Variants in ATRNL1 observed in about 807,000 individuals in gnomAD.
ATRNL1 encodes the protein attractin-like protein 1.
A neutral mutation model predicts 182.7 loss-of-function variants in ATRNL1; 95 were observed. That is an observed-to-expected ratio of 0.52 (90% CI 0.44 to 0.62). ATRNL1 has a LOEUF of 0.62. Among genes scored for constraint, ATRNL1 ranks in the 20% least tolerant of loss-of-function variants. The pLI, the probability that ATRNL1 is intolerant of heterozygous loss-of-function variation, is 0.00. For missense variants in ATRNL1, 1,471 were observed against 1,679.5 expected, an observed-to-expected ratio of 0.88 and a Z score of 2.17; for synonymous variants, 576 against 568.3, an observed-to-expected ratio of 1.01 and a Z score of -0.19.
intron 21 of ATRNL1, among the ~76,000 whole-genome samples, chr10:115,441,583 A>G (rs554849229): frequency 1.3e-5 from 2 of 151,952 alleles, no homozygotes; most frequent in Non-Finnish European, 2.9e-5. Flanking sequence ...CTAAATTTTG[A>G]TGTTCCAAAA....
At chr10:115,171,452 A>AT (rs1847290679) in intron 8 of ATRNL1, 160 bp downstream of exon 8, 10 of 597,536 alleles carry the variant, frequency 1.7e-5, no homozygotes, top group Admixed American at 4.1e-5. Context: ...ATTATGTTAG[A>AT]TTTTGTCCTT....
intron 27 of ATRNL1, among the ~76,000 whole-genome samples, chr10:115,842,424 A>G (rs562009960): frequency 6.6e-6 from 1 of 152,230 alleles, no homozygotes; most frequent in African/African-American, 2.4e-5. Context: ...ACTATTAGAT[A>G]CTGGTATGTC....
chr10:115,263,974 A>G (rs1392474198), intron 10 of ATRNL1, among the ~76,000 whole-genome samples: 1 of 151,780 alleles, frequency 6.6e-6, no homozygotes, highest in Non-Finnish European at 1.5e-5. Context: ...TGTGGACTAA[A>G]AAGACAGATT....
intron 28 of ATRNL1, among the ~76,000 whole-genome samples, chr10:115,942,648 G>A (rs782686132): frequency 1.1e-4 from 17 of 152,188 alleles, no homozygotes; most frequent in Non-Finnish European, 2.2e-4. Flanking sequence ...GATATTCTAC[G>A]TAGGATAAGA....
intron 27 of ATRNL1, among the ~76,000 whole-genome samples, chr10:115,776,299 T>C (rs2134178367): frequency 6.6e-6 from 1 of 152,298 alleles, no homozygotes; most frequent in South Asian, 2.1e-4. Context: ...TGTAGCTAAA[T>C]AGTATATGCC....
chr10:115,812,332 T>C (rs1311347587), intron 27 of ATRNL1, among the ~76,000 whole-genome samples: 2 of 152,196 alleles, frequency 1.3e-5, no homozygotes, highest in African/African-American at 4.8e-5. Context: ...TACAAGGTTC[T>C]TGTTTGGATC....
chr10:115,922,994 G>T (rs1310789229), intron 28 of ATRNL1, among the ~76,000 whole-genome samples: 2 of 152,066 alleles, frequency 1.3e-5, no homozygotes, highest in Non-Finnish European at 2.9e-5. Context: ...CACCGTAAAG[G>T]AATATGAATA....
At chr10:115,890,646 G>A (rs909654005) in intron 28 of ATRNL1, among the ~76,000 whole-genome samples, 1 of 152,110 alleles carries the variant, frequency 6.6e-6, no homozygotes, top group Admixed American at 6.5e-5. Flanking sequence ...CTTGTGTTAT[G>A]ATATGTTTGA....
At chr10:115,159,677 A>G (rs1846686735) in intron 5 of ATRNL1, among the ~76,000 whole-genome samples, 1 of 142,426 alleles carries the variant, frequency 7.0e-6, no homozygotes, top group Non-Finnish European at 1.6e-5. Flanking sequence ...TGGAGGCTTG[A>G]TGATGAAAGA....
chr10:115,898,315 TTTAAAA>T (rs1444655572), intron 28 of ATRNL1, among the ~76,000 whole-genome samples: 1 of 152,258 alleles, frequency 6.6e-6, no homozygotes, highest in East Asian at 1.9e-4. Flanking sequence ...ACAAATTTAC[TTTAAAA>T]TTAATTAATC....
chr10:115,360,970 G>A (rs141510824), intron 19 of ATRNL1, among the ~76,000 whole-genome samples: 29 of 151,930 alleles, frequency 1.9e-4, no homozygotes, highest in Admixed American at 1.6e-3. Context: ...AACGTATCAG[G>A]AGCCACATGC....
chr10:115,867,587 G>A (rs1264159134), intron 28 of ATRNL1, among the ~76,000 whole-genome samples: 1 of 152,122 alleles, frequency 6.6e-6, no homozygotes, highest in African/African-American at 2.4e-5. Context: ...GACAACTAGA[G>A]TTCATCTTGT....
chr10:115,188,517 A>G (rs896844586), intron 8 of ATRNL1, among the ~76,000 whole-genome samples: 78 of 152,156 alleles, frequency 5.1e-4, no homozygotes, highest in Non-Finnish European at 1.6e-4. Flanking sequence ...CTTTCTAAGA[A>G]TCTCAATGTG....
At position 115,501,417 on chromosome 10, in the gene ATRNL1, T is replaced by C. The variant is rs141239421; in HGVS notation, c.3655-17846T>C. Among the ~76,000 whole-genome samples, 397 of 152,242 alleles carry C rather than the reference T, an allele frequency of 2.6e-3. 1 individual carries two copies. Among genetic ancestry groups the C allele is most frequent in the African/African-American group, 9.0e-3 (372 of 41,536 alleles). On this transcript the variant is annotated intron_variant, in intron 24 of 28. Coordinates refer to ENST00000355044, the MANE Select transcript of ATRNL1 (RefSeq NM_207303.4). Reference sequence around the variant, plus strand: ...CCTGTTACAGGGACTGTAGACAAGGTATAAGGCCAGTTTTTCCATGGGGCT... The same window carrying C: ...CCTGTTACAGGGACTGTAGACAAGGCATAAGGCCAGTTTTTCCATGGGGCT...
chr10:115,921,763 A>T (rs1953070722), intron 28 of ATRNL1, among the ~76,000 whole-genome samples: 3 of 152,148 alleles, frequency 2.0e-5, no homozygotes, highest in Non-Finnish European at 4.4e-5. Flanking sequence ...ATCTTTTTTT[A>T]AAATTGTGTT....
At position 115,740,909 on chromosome 10, in the gene ATRNL1, A is replaced by AT. The variant is rs1555067483; in HGVS notation, c.3903+13560dup. Among the ~76,000 whole-genome samples the AT allele has an allele frequency of 2.0e-5, 3 of 151,966 alleles. No homozygotes were observed. The East Asian group carries it at 5.8e-4, about 29-fold the overall frequency. On this transcript the variant is annotated intron_variant, in intron 27 of 28. Transcript: ENST00000355044. ...ATCAAGTATGTAAAGTTTAAGTGCA[A>AT]TTTTTTATGAAGGAGTTTTTATTTC... is the stretch of plus-strand genomic sequence containing the variant.
chr10:115,629,027 C>A (rs1858308260), intron 26 of ATRNL1, among the ~76,000 whole-genome samples: 1 of 151,914 alleles, frequency 6.6e-6, no homozygotes, highest in Non-Finnish European at 1.5e-5. Flanking sequence ...CTATTTAATA[C>A]CATTTTATTT....
chr10:115,352,197 CT>C (rs1235664929), intron 19 of ATRNL1, among the ~76,000 whole-genome samples: 8 of 151,818 alleles, frequency 5.3e-5, no homozygotes, highest in Non-Finnish European at 7.4e-5. Context: ...CATCTTCTCA[CT>C]TTTTTTCTTA....
intron 27 of ATRNL1, among the ~76,000 whole-genome samples, chr10:115,742,795 T>C (rs1593156084): frequency 1.3e-5 from 2 of 152,182 alleles, no homozygotes; most frequent in South Asian, 2.1e-4. Flanking sequence ...CTTTCTAGCA[T>C]GCAAATCTTC....
Sources: gnomAD v4.1 joint callset for allele counts (sites outside exome capture counted in the v4.1 genomes callset) on GRCh38, gnomAD v4.1.1 for gene constraint, MANE v1.5 for transcripts, NCBI Gene and HGNC (gene_info 2026-07-23, HGNC 2026-07-21) for gene names.